The following SPMIP2 variants were observed in gnomAD, a reference collection of about 807,000 sequenced individuals.
The protein encoded by SPMIP2 is sperm microtubule inner protein 2.
At chr4:159,041,159 G>C in the SPMIP2 span, among the ~76,000 whole-genome samples, 4 of 152,260 alleles carry the variant, frequency 2.6e-5, no homozygotes, top group Non-Finnish European at 4.4e-5. Flanking sequence ...GTCTTCCTCT[G>C]GCTCATTTAA....
chr4:158,898,629 G>T, the SPMIP2 span, among the ~76,000 whole-genome samples: 1 of 152,000 alleles, frequency 6.6e-6, no homozygotes. Flanking sequence ...TTGTGATTTG[G>T]CTCTCTGTCT....
the SPMIP2 span, among the ~76,000 whole-genome samples, chr4:159,035,740 C>CA: frequency 3.3e-5 from 5 of 152,166 alleles, no homozygotes; most frequent in Non-Finnish European, 7.3e-5. Context: ...TTTACACATA[C>CA]AATTTGCTCT....
At chr4:158,948,694 C>G in the SPMIP2 span, among the ~76,000 whole-genome samples, 10 of 151,438 alleles carry the variant, frequency 6.6e-5, no homozygotes, top group Non-Finnish European at 1.5e-4. Flanking sequence ...CTCATGGCAG[C>G]TTCGATCTCC....
the SPMIP2 span, among the ~76,000 whole-genome samples, chr4:159,078,169 A>T: frequency 2.6e-5 from 4 of 152,230 alleles, no homozygotes; most frequent in Admixed American, 6.5e-5. Context: ...CAGCATACAA[A>T]TAATGTTTGT....
chr4:159,063,407 A>G, the SPMIP2 span, among the ~76,000 whole-genome samples: 1 of 152,018 alleles, frequency 6.6e-6, no homozygotes, highest in Non-Finnish European at 1.5e-5. Flanking sequence ...AAAATTAGCC[A>G]GGTGTGGTGG....
chr4:158,935,939 T>C, the SPMIP2 span, among the ~76,000 whole-genome samples: 4 of 152,226 alleles, frequency 2.6e-5, no homozygotes, highest in Admixed American at 1.3e-4. Flanking sequence ...TTTTGTGACT[T>C]GAGCTGGGCC....
the SPMIP2 span, among the ~76,000 whole-genome samples, chr4:159,040,236 C>A: frequency 0.34 from 51,463 of 150,448 alleles, 9,199 homozygotes; most frequent in East Asian, 0.64. Context: ...CAGTGGTGTG[C>A]TCTTGGCTCA....
the SPMIP2 span, among the ~76,000 whole-genome samples, chr4:159,081,837 G>A: frequency 6.6e-6 from 1 of 152,152 alleles, no homozygotes; most frequent in South Asian, 2.1e-4. Context: ...ATTATAAACA[G>A]TGGTACAGTT....
At chr4:158,938,350 A>G in the SPMIP2 span, among the ~76,000 whole-genome samples, 2 of 152,242 alleles carry the variant, frequency 1.3e-5, no homozygotes, top group Non-Finnish European at 2.9e-5. Flanking sequence ...CTATAAGGGA[A>G]GCATCAAAAA....
the SPMIP2 span, among the ~76,000 whole-genome samples, chr4:158,983,520 G>C: frequency 0.44 from 64,288 of 145,656 alleles, 14,412 homozygotes; most frequent in East Asian, 0.56. Flanking sequence ...TATTCTTAAA[G>C]AATTTTCAAC....
chr4:159,007,022 A>G, the SPMIP2 span: 1 of 421,992 alleles, frequency 2.4e-6, no homozygotes, highest in African/African-American at 2.1e-5. Flanking sequence ...GTCCTGTGAA[A>G]GTTTTGATGC....
chr4:159,026,703 T>C, the SPMIP2 span, among the ~76,000 whole-genome samples: 1 of 151,896 alleles, frequency 6.6e-6, no homozygotes, highest in African/African-American at 2.4e-5. Context: ...CTTTGGTTAA[T>C]AAATAAATGT....
chr4:158,973,758 G>T, the SPMIP2 span, among the ~76,000 whole-genome samples: 1 of 152,054 alleles, frequency 6.6e-6, no homozygotes, highest in African/African-American at 2.4e-5. Context: ...GGAGGCCAAG[G>T]TGGGTGCATC....
the SPMIP2 span, among the ~76,000 whole-genome samples, chr4:158,958,423 T>C: frequency 6.6e-6 from 1 of 152,184 alleles, no homozygotes; most frequent in South Asian, 2.1e-4. Flanking sequence ...CATGAGCCAC[T>C]GTGTCCAGCC....
At chr4:158,902,899 C>A in the SPMIP2 span, among the ~76,000 whole-genome samples, 1 of 152,066 alleles carries the variant, frequency 6.6e-6, no homozygotes, top group Non-Finnish European at 1.5e-5. Flanking sequence ...AATTTCAAGC[C>A]AGTGGATCTT....
chr4:158,988,106 A>G, the SPMIP2 span, among the ~76,000 whole-genome samples: 1 of 152,210 alleles, frequency 6.6e-6, no homozygotes, highest in African/African-American at 2.4e-5. Context: ...AGAGAATACT[A>G]TAAACAGCTG....
At chr4:158,958,141 T>A in the SPMIP2 span, among the ~76,000 whole-genome samples, 1 of 152,008 alleles carries the variant, frequency 6.6e-6, no homozygotes, top group Non-Finnish European at 1.5e-5. Flanking sequence ...TGGGACCACA[T>A]GTGTGTACCA....
the SPMIP2 span, among the ~76,000 whole-genome samples, chr4:158,911,342 C>A: frequency 1.3e-5 from 1 of 78,446 alleles, no homozygotes; most frequent in African/African-American, 5.8e-5. Flanking sequence ...AGCGAGACTC[C>A]GTCTCAAATA....
At chr4:158,907,330 T>C in the SPMIP2 span, 2 of 152,252 alleles carry the variant, frequency 1.3e-5, no homozygotes, top group Non-Finnish European at 2.9e-5. Flanking sequence ...GTGTGCTGTT[T>C]TTTAATGAAA....
Sources: gnomAD v4.1 joint callset for allele counts (sites outside exome capture counted in the v4.1 genomes callset) on GRCh38, gnomAD v4.1.1 for gene constraint, MANE v1.5 for transcripts, NCBI Gene and HGNC (gene_info 2026-07-23, HGNC 2026-07-21) for gene names.